The following TNRC6A variants were observed in gnomAD, a reference collection of about 807,000 sequenced individuals.
TNRC6A encodes trinucleotide repeat-containing gene 6A protein.
TNRC6A carries 44 observed loss-of-function variants against 221.2 expected under a neutral mutation model. The observed-to-expected ratio is 0.20, with a 90% confidence interval of 0.16 to 0.26. The LOEUF is 0.26. Among genes scored for constraint, TNRC6A ranks in the 10% least tolerant of loss-of-function variants. The probability of loss-of-function intolerance (pLI) is 1.00; values close to 1 mark genes in which losing one functional copy is unlikely to be tolerated. For missense variants in TNRC6A, 2,199 were observed against 2,404.4 expected (o/e 0.91, Z 1.79); for synonymous variants, 847 against 838.5 (o/e 1.01, Z -0.18).
At chr16:24,744,783 A>G (rs1796621293) in intron 2 of TNRC6A, among the ~76,000 whole-genome samples, 1 of 151,942 alleles carries the variant, frequency 6.6e-6, no homozygotes, top group South Asian at 2.1e-4. Context: ...TTGTGCTCAT[A>G]CTCTGTCACA....
intron 2 of TNRC6A, among the ~76,000 whole-genome samples, chr16:24,673,939 G>A (rs958843345): frequency 5.9e-5 from 9 of 152,322 alleles, no homozygotes; most frequent in South Asian, 4.1e-4. Flanking sequence ...CCTCACCCTC[G>A]TGCAGCTTGG....
chr16:24,647,189 C>T lies in TNRC6A; in HGVS notation n.402+6180C>T, dbSNP rs1409431247. On this transcript the variant is annotated intron_variant and non_coding_transcript_variant, in intron 2 of 2. Coordinates refer to the TNRC6A transcript ENST00000566108. Reference sequence around the variant, plus strand: ...TCAAGCAATCTGCCCACCTTGGCCTCCCAAAGTGCTGGGATTACAGGTGTG... The same window carrying T: ...TCAAGCAATCTGCCCACCTTGGCCTTCCAAAGTGCTGGGATTACAGGTGTG... 5.3e-5 allele frequency among the ~76,000 whole-genome samples: 8 copies of T among 152,172 alleles called. 1 individual carries two copies. Among genetic ancestry groups the T allele is most frequent in the Admixed American group, 5.2e-4 (8 of 15,272 alleles).
intron 5 of TNRC6A, among the ~76,000 whole-genome samples, chr16:24,782,873 C>CA (rs1207460507): frequency 1.3e-5 from 2 of 151,404 alleles, no homozygotes; most frequent in Admixed American, 6.6e-5. Context: ...CTCCGTCTGA[C>CA]AAAAAAAAGA....
chr16:24,805,464 A>T, intron 14 of TNRC6A, 141 bp from the exon 15 acceptor site: 3 of 1,225,798 alleles, frequency 2.4e-6, no homozygotes, highest in Non-Finnish European at 3.4e-6. Flanking sequence ...GTGGTCAGTT[A>T]GTAAGACAGA....
chr16:24,620,510 T>TGGGTGTTCTGGCTCAGGCC (rs2141592689), intron 1 of TNRC6A, among the ~76,000 whole-genome samples: 1 of 152,290 alleles, frequency 6.6e-6, no homozygotes, highest in South Asian at 2.1e-4. Flanking sequence ...TGGCTCAGGC[T>TGGGTGTTCTGGCTCAGGCC]GGGTGTTCTG....
At chr16:24,774,256 C>CATT (rs2057674802) in intron 4 of TNRC6A, among the ~76,000 whole-genome samples, 1 of 152,184 alleles carries the variant, frequency 6.6e-6, no homozygotes, top group African/African-American at 2.4e-5. Context: ...CTTCTGCACT[C>CATT]ATTACTTCTA....
chr16:24,792,050 T>C (rs2058114259), intron 6 of TNRC6A, among the ~76,000 whole-genome samples: 2 of 152,154 alleles, frequency 1.3e-5, no homozygotes, highest in African/African-American at 4.8e-5. Context: ...AGAAGGCGAA[T>C]TGGACAAAGG....
upstream of TNRC6A, among the ~76,000 whole-genome samples, chr16:24,724,803 A>G (rs1223205002): frequency 6.6e-6 from 1 of 152,162 alleles, no homozygotes; most frequent in Non-Finnish European, 1.5e-5. Flanking sequence ...GTTCATGTTT[A>G]TACATTACTG....
rs963968751 is a variant in TNRC6A at position 24,773,026 on chromosome 16, T to A, written c.164-3907T>A. Among the ~76,000 whole-genome samples the A allele has an allele frequency of 7.2e-5, 11 of 152,364 alleles. 1 individual carries two copies. Among genetic ancestry groups the A allele is most frequent in the Middle Eastern group, 3.4e-3 (1 of 294 alleles). ...TTATTTTTTTCCATTTTCATTTTTTTAATAAAGTTTTAACTATTCTTTTTC... is the reference window on the plus strand; with the variant it reads ...TTATTTTTTTCCATTTTCATTTTTTAAATAAAGTTTTAACTATTCTTTTTC... On this transcript the variant is annotated intron_variant, in intron 4 of 24. Transcript: ENST00000395799.
rs765365316 is a variant in TNRC6A, at chr16:24,794,534, C to A, written c.3353-10C>A. 2.1e-5 allele frequency: 34 copies of A among 1,602,216 alleles called. No individual in the cohort carries two copies. Among genetic ancestry groups the A allele is most frequent in the Non-Finnish European group, 2.6e-5 (31 of 1,175,710 alleles). On this transcript the variant is annotated splice_polypyrimidine_tract_variant and intron_variant, in intron 7 of 24. Transcript: ENST00000395799. Reference sequence around the variant, plus strand: ...GTATGTTTCTCTTTATATCACAAATCCACAATCAGGGCCAAAATCTATGCA... The same window carrying A: ...GTATGTTTCTCTTTATATCACAAATACACAATCAGGGCCAAAATCTATGCA...
intron 1 of TNRC6A, among the ~76,000 whole-genome samples, chr16:24,640,363 G>C (rs1901876082): frequency 6.6e-6 from 1 of 150,782 alleles, no homozygotes; most frequent in Admixed American, 6.6e-5. Flanking sequence ...TTGCACAGCT[G>C]CACTCCAACC....
chr16:24,668,969 G>A (rs1026313674), intron 2 of TNRC6A, among the ~76,000 whole-genome samples: 2 of 151,456 alleles, frequency 1.3e-5, no homozygotes, highest in Non-Finnish European at 2.9e-5. Context: ...TAGTCTCGTT[G>A]TTTTTATTTT....
At chr16:24,801,075 C>T (rs1276369009) in intron 11 of TNRC6A, among the ~76,000 whole-genome samples, 1 of 152,158 alleles carries the variant, frequency 6.6e-6, no homozygotes, top group African/African-American at 2.4e-5. Flanking sequence ...ATAGATACTG[C>T]GTTTGAAGGT....
intron 1 of TNRC6A, among the ~76,000 whole-genome samples, chr16:24,631,771 CA>C (rs201846797): frequency 0.47 from 64,394 of 138,480 alleles, 14,315 homozygotes; most frequent in Middle Eastern, 0.54. Flanking sequence ...GATTCCACCT[CA>C]AAAAAAAAAA....
chr16:24,713,059 G>A (rs1339397034), intron 2 of TNRC6A, among the ~76,000 whole-genome samples: 2 of 151,978 alleles, frequency 1.3e-5, no homozygotes, highest in East Asian at 3.9e-4. Flanking sequence ...GATTACAGGT[G>A]TATGCCACTG....
At chr16:24,795,811 C>CGACA in intron 8 of TNRC6A, 96 bp from the exon 9 acceptor site, 1 of 1,233,868 alleles carries the variant, frequency 8.1e-7, no homozygotes, top group Non-Finnish European at 1.1e-6. Context: ...AACTAGTAAG[C>CGACA]GACAGAGTAA....
chr16:24,818,559 C>G (rs780208139), intron 20 of TNRC6A, 34 bp from the exon 21 acceptor site: 2 of 1,563,780 alleles, frequency 1.3e-6, no homozygotes, highest in East Asian at 2.2e-5. Context: ...ACGTCCCTTG[C>G]TCTGGTGGCT....
chr16:24,627,640 G>T (rs1241866336), intron 1 of TNRC6A, among the ~76,000 whole-genome samples: 1 of 150,716 alleles, frequency 6.6e-6, no homozygotes, highest in African/African-American at 2.4e-5. Flanking sequence ...TGTTCTTATA[G>T]GATTTCCTCA....
chr16:24,796,661 A>G (rs1038465669), intron 9 of TNRC6A, among the ~76,000 whole-genome samples: 5 of 152,360 alleles, frequency 3.3e-5, no homozygotes, highest in Admixed American at 3.3e-4. Flanking sequence ...TGCTTGCTTC[A>G]GAGACCTGCA....
Sources: gnomAD v4.1 joint callset for allele counts (sites outside exome capture counted in the v4.1 genomes callset) on GRCh38, gnomAD v4.1.1 for gene constraint, MANE v1.5 for transcripts, NCBI Gene and HGNC (gene_info 2026-07-23, HGNC 2026-07-21) for gene names.